The following CHRDL1 variants were observed in gnomAD, a reference collection of about 807,000 sequenced individuals.
CHRDL1 encodes chordin like 1.
CHRDL1 carries 19 observed loss-of-function variants against 40.9 expected under a neutral mutation model. The observed-to-expected ratio is 0.46, with a 90% CI of 0.32 to 0.68. The LOEUF (loss-of-function observed/expected upper bound fraction) is 0.68. Among genes scored for constraint, CHRDL1 ranks in the 30% least tolerant of loss-of-function variants. The probability of loss-of-function intolerance (pLI) is 0.03; values close to 1 mark genes in which losing one functional copy is unlikely to be tolerated. For synonymous variants in CHRDL1, 136 were observed against 123.4 expected (o/e 1.10, Z -0.68); for missense variants, 329 against 352.1 (o/e 0.93, Z 0.53).
At chrX:110,708,151 C>T (rs1347723612) in intron 6 of CHRDL1, among the ~76,000 whole-genome samples, 1 of 110,079 alleles carries the variant, frequency 9.1e-6, no homozygotes, top group African/African-American at 3.3e-5. Flanking sequence ...ACAACAGATG[C>T]TGGAAAGGAT....
intron 2 of CHRDL1, among the ~76,000 whole-genome samples, chrX:110,765,491 C>T (rs1322581856): frequency 9.0e-6 from 1 of 111,608 alleles, no homozygotes; most frequent in African/African-American, 3.3e-5. Flanking sequence ...AGGTGAGAGA[C>T]GAGGATCCAG....
intron 6 of CHRDL1, among the ~76,000 whole-genome samples, chrX:110,707,844 A>G (rs963788090): frequency 1.8e-5 from 2 of 112,041 alleles, no homozygotes; most frequent in African/African-American, 6.5e-5. Flanking sequence ...AACTATCATC[A>G]GAGTGCACAG....
chrX:110,788,615 TA>T (rs1385873503), intron 2 of CHRDL1, among the ~76,000 whole-genome samples: 6 of 112,214 alleles, frequency 5.3e-5, no homozygotes, highest in Non-Finnish European at 1.1e-4. Flanking sequence ...CTTTCCTTTT[TA>T]ATTTTAGAAA....
At chrX:110,687,647 G>A (rs1158249797) in intron 9 of CHRDL1, among the ~76,000 whole-genome samples, 1 of 111,411 alleles carries the variant, frequency 9.0e-6, no homozygotes, top group African/African-American at 3.3e-5. Context: ...TCGACTCTTC[G>A]AATGTTGGAG....
At chrX:110,784,770 A>C (rs2148534626) in intron 2 of CHRDL1, among the ~76,000 whole-genome samples, 1 of 111,777 alleles carries the variant, frequency 8.9e-6, no homozygotes, top group African/African-American at 3.2e-5. Context: ...AATTCAAAGA[A>C]GTTTGGCAGT....
intron 2 of CHRDL1, among the ~76,000 whole-genome samples, chrX:110,791,493 G>A (rs1018565984): frequency 1.4e-4 from 16 of 111,392 alleles, no homozygotes; most frequent in African/African-American, 4.9e-4. Flanking sequence ...TACACGGATC[G>A]CTGACTTTCT....
Position 110,676,170 on chromosome X carries a change from C to A in CHRDL1, c.*61G>T. 8.8e-7 allele frequency: 1 copy of A among 1,137,715 alleles called. No individual in the cohort carries two copies. Among genetic ancestry groups the A allele is most frequent in the Non-Finnish European group, 1.2e-6 (1 of 846,966 alleles). 93.8% of individuals were successfully genotyped at this position (1,137,715 alleles called of 1,213,427 possible). A position where few individuals can be genotyped will look rare whatever the true frequency, so the allele number is the denominator to read the frequency against. ...CACTGTTGACTTAAGCAAAATAAGC[C>A]TGCAGTCCAGCTGCAGCTTGAGTTT... On this transcript the variant is annotated 3_prime_UTR_variant, in exon 12 of 12. Coordinates refer to ENST00000372042, the MANE Select transcript of CHRDL1 (RefSeq NM_001143981.2).
In CHRDL1 at chrX:110,674,361, T is replaced by A. The variant is rs2069728267; in HGVS notation, c.*1870A>T. The A allele has an allele frequency of 9.1e-6, 1 of 109,919 alleles. No individual in the cohort carries two copies. Among genetic ancestry groups the A allele is most frequent in the Admixed American group, 9.8e-5 (1 of 10,206 alleles). 9.1% of individuals were successfully genotyped at this position (109,919 alleles called of 1,213,427 possible). Reference sequence around the variant, plus strand: ...TGAATCATCCAGAAGGAGAAACACCTCTTTGCCTTAGGATCTAGTTACTAG... The same window carrying A: ...TGAATCATCCAGAAGGAGAAACACCACTTTGCCTTAGGATCTAGTTACTAG... On this transcript the variant is annotated 3_prime_UTR_variant, in exon 12 of 12. Transcript: ENST00000372042.
chrX:110,757,391 C>T (rs942427222), intron 4 of CHRDL1, among the ~76,000 whole-genome samples: 11 of 109,011 alleles, frequency 1.0e-4, no homozygotes, highest in South Asian at 3.8e-4. Flanking sequence ...AAAAAAAAAA[C>T]GAAGAACCCG....
At chrX:110,776,766 A>G (rs1020673262) in intron 2 of CHRDL1, among the ~76,000 whole-genome samples, 1 of 110,918 alleles carries the variant, frequency 9.0e-6, no homozygotes, top group Non-Finnish European at 1.9e-5. Context: ...ACTGCCACAC[A>G]TGCATAGTGT....
At chrX:110,743,387 C>T (rs2071394825) in intron 4 of CHRDL1, among the ~76,000 whole-genome samples, 1 of 112,190 alleles carries the variant, frequency 8.9e-6, no homozygotes, top group African/African-American at 3.2e-5. Flanking sequence ...GTCTCTGCTC[C>T]TTTGATTTTT....
At chrX:110,738,799 T>C (rs197040) in intron 4 of CHRDL1, among the ~76,000 whole-genome samples, 11,934 of 109,607 alleles carry the variant, frequency 0.11, 1,685 homozygotes, top group African/African-American at 0.38. Flanking sequence ...TCTATGTGAG[T>C]GTGTTAAAGG....
chrX:110,709,319 G>T (rs1297668169), intron 6 of CHRDL1, among the ~76,000 whole-genome samples: 1 of 112,009 alleles, frequency 8.9e-6, no homozygotes, highest in African/African-American at 3.2e-5. Context: ...GGAATACCCG[G>T]CTTAAGGGAC....
intron 4 of CHRDL1, among the ~76,000 whole-genome samples, chrX:110,753,664 G>T (rs1381766588): frequency 3.6e-5 from 4 of 111,910 alleles, no homozygotes; most frequent in Non-Finnish European, 7.5e-5. Context: ...TGTAACTGTG[G>T]AAGTCACAGA....
At chrX:110,689,416 A>ATATATC (rs1433049623) in intron 8 of CHRDL1, among the ~76,000 whole-genome samples, 6 of 36,044 alleles carry the variant, frequency 1.7e-4, no homozygotes, top group East Asian at 3.2e-4. Flanking sequence ...CTATATATCT[A>ATATATC]TATATATCTA....
intron 2 of CHRDL1, among the ~76,000 whole-genome samples, chrX:110,789,854 C>T (rs1240572641): frequency 4.5e-5 from 5 of 111,516 alleles, no homozygotes; most frequent in Non-Finnish European, 9.4e-5. Context: ...GTATAATAAG[C>T]ATATATATTA....
At chrX:110,779,683 T>C (rs2089909336) in intron 2 of CHRDL1, among the ~76,000 whole-genome samples, 1 of 111,472 alleles carries the variant, frequency 9.0e-6, no homozygotes, top group Non-Finnish European at 1.9e-5. Context: ...TGCCTTACCA[T>C]ATACACTTTA....
chrX:110,724,316 AAG>A (rs772318579), intron 4 of CHRDL1, among the ~76,000 whole-genome samples: 6 of 112,179 alleles, frequency 5.3e-5, no homozygotes, highest in Non-Finnish European at 1.1e-4. Flanking sequence ...TTTCCAGTGG[AAG>A]AATGATCTTG....
chrX:110,780,219 T>G (rs1446746271), intron 2 of CHRDL1, among the ~76,000 whole-genome samples: 1 of 111,213 alleles, frequency 9.0e-6, no homozygotes, highest in African/African-American at 3.3e-5. Context: ...TTCAGTTCAT[T>G]CAGTTTTTTT....
Sources: allele counts gnomAD v4.1 joint callset (sites outside exome capture counted in the v4.1 genomes callset), GRCh38; gene constraint gnomAD v4.1.1; transcripts MANE v1.5; gene names NCBI Gene and HGNC (gene_info 2026-07-23, HGNC 2026-07-21).